TRAPPC11: variants seen among roughly 807,000 people sequenced by gnomAD.
The protein encoded by TRAPPC11 is trafficking protein particle complex subunit 11.
A neutral mutation model predicts 151.2 loss-of-function variants in TRAPPC11; 104 were observed. The ratio of observed to expected loss-of-function variants is 0.69; its 90% CI spans 0.59 to 0.81. TRAPPC11 has a LOEUF of 0.81. Among genes scored for constraint, TRAPPC11 ranks in the 30% least tolerant of loss-of-function variants. The pLI, the probability that TRAPPC11 is intolerant of heterozygous loss-of-function variation, is 0.00. For missense variants in TRAPPC11, 1,230 were observed against 1,349.6 expected (o/e 0.91, Z 1.39); for synonymous variants, 456 against 472.3 (o/e 0.97, Z 0.45).
At chr4:183,697,963 G>C in intron 25 of TRAPPC11, 128 bp downstream of exon 25, 1 of 788,548 alleles carries the variant, frequency 1.3e-6, no homozygotes, top group Non-Finnish European at 1.9e-6. Flanking sequence ...ACCTGCACTC[G>C]TGAAAGCAAA....
chr4:183,666,096 C>T, intron 2 of TRAPPC11, 161 bp from the exon 3 acceptor site: 1 of 566,638 alleles, frequency 1.8e-6, no homozygotes, highest in East Asian at 3.0e-5. Flanking sequence ...CCACCTTCAA[C>T]ACTTACTAGT....
At chr4:183,670,371 C>CT (rs1450338109) in intron 5 of TRAPPC11, among the ~76,000 whole-genome samples, 1 of 152,158 alleles carries the variant, frequency 6.6e-6, no homozygotes, top group African/African-American at 2.4e-5. Flanking sequence ...TTCGAGTAAG[C>CT]TTTTTTCTTT....
chr4:183,704,307 G>A lies in TRAPPC11; in HGVS notation c.2964-672G>A, dbSNP rs540242880. On this transcript the variant is annotated intron_variant, in intron 26 of 29. Coordinates refer to ENST00000334690, the MANE Select transcript of TRAPPC11 (RefSeq NM_021942.6). ...AAGCTGAGGCAGGTGGATCACCTGA[G>A]GTCAGGAGTTTGAGACCAGCCTGGC... 2.0e-4 allele frequency among the ~76,000 whole-genome samples: 30 copies of A among 151,898 alleles called. No homozygotes were observed. In the South Asian group the frequency reaches 3.7e-3, roughly 19 times the overall value.
intron 25 of TRAPPC11, chr4:183,700,774 T>C (rs1314296412): frequency 6.6e-6 from 1 of 152,188 alleles, no homozygotes; most frequent in African/African-American, 2.4e-5. Context: ...TGCATTATAC[T>C]TAGTGGGTGA....
chr4:183,708,257 A>T, intron 28 of TRAPPC11, 150 bp from the exon 29 acceptor site: 1 of 754,126 alleles, frequency 1.3e-6, no homozygotes. Flanking sequence ...ACACTTTGGA[A>T]TCTGTTTGGA....
At chr4:183,683,780 G>A (rs1484747492) in intron 11 of TRAPPC11, 195 bp from the exon 12 acceptor site, 2 of 585,030 alleles carry the variant, frequency 3.4e-6, no homozygotes, top group African/African-American at 3.7e-5. Context: ...GCTCAATAAT[G>A]TTCCCATCAG....
At chr4:183,681,595 A>C (rs1473260916) in intron 10 of TRAPPC11, among the ~76,000 whole-genome samples, 1 of 152,106 alleles carries the variant, frequency 6.6e-6, no homozygotes, top group African/African-American at 2.4e-5. Flanking sequence ...CCTGGCTAAC[A>C]CGATGAAACC....
intron 7 of TRAPPC11, among the ~76,000 whole-genome samples, chr4:183,677,155 A>T (rs553918363): frequency 6.6e-6 from 1 of 152,314 alleles, no homozygotes; most frequent in South Asian, 2.1e-4. Flanking sequence ...ATGTTTTTTA[A>T]CAGAATGCTG....
At position 183,691,361 on chromosome 4, in the gene TRAPPC11, G is replaced by A; in HGVS notation, c.1939G>A (p.Glu647Lys). ...AATAGAAGAAGCATCCAAAGCAAATGAAGTTTTAGAAAATCTGACTCAAGG... is the reference window on the plus strand; with the variant it reads ...AATAGAAGAAGCATCCAAAGCAAATAAAGTTTTAGAAAATCTGACTCAAGG... ...CVIEEASKANEVLENLTQGKM... is the reference protein window; with the variant it reads ...CVIEEASKANKVLENLTQGKM... Residue 647 changes from glutamate (E) to lysine (K), a missense_variant, in exon 19 of 30, where the codon GAA becomes AAA. By Grantham distance (56) the Glu-to-Lys change is moderately conservative (BLOSUM62 1). Coordinates refer to ENST00000334690, the MANE Select transcript of TRAPPC11 (RefSeq NM_021942.6). 1 of 1,557,278 alleles carries A rather than the reference G, an allele frequency of 6.4e-7. No individual in the cohort carries two copies. The highest frequency in any genetic ancestry group is 8.7e-7 in the Non-Finnish European group (1 of 1,144,654).
In TRAPPC11 at chr4:183,684,132, C is replaced by G. The variant is rs1343164754; in HGVS notation, c.1288-13C>G. ...TTGTATTGAAATGTTTCACACTCTA[C>G]TTTTTCTAATAGGAGATAATCATAA... On this transcript the variant is annotated splice_polypyrimidine_tract_variant and intron_variant, in intron 12 of 29. Transcript: ENST00000334690. 3 of 1,611,666 alleles carry G rather than the reference C, an allele frequency of 1.9e-6. No homozygotes were observed. The South Asian group carries it at 3.3e-5, about 18-fold the overall frequency.
intron 5 of TRAPPC11, 68 bp downstream of exon 5, chr4:183,668,185 C>T (rs1734976158): frequency 1.2e-6 from 1 of 864,822 alleles, no homozygotes; most frequent in African/African-American, 1.7e-5. Context: ...GTAGCTTAGA[C>T]CCATTTATTT....
chr4:183,671,038 G>C (rs1444489898), intron 5 of TRAPPC11, among the ~76,000 whole-genome samples: 1 of 152,120 alleles, frequency 6.6e-6, no homozygotes, highest in African/African-American at 2.4e-5. Flanking sequence ...CCTAATATTT[G>C]TATTTTTAGT....
chr4:183,685,345 A>G lies in TRAPPC11; in HGVS notation c.1704A>G (p.Arg568=). The G allele has an allele frequency of 6.2e-7, 1 of 1,614,138 alleles. No homozygotes were observed. Among genetic ancestry groups the G allele is most frequent in the Non-Finnish European group, 8.5e-7 (1 of 1,180,008 alleles). ...VKTAQKLWAD[R]ISLAGSNIFT... ...CTGCTCAGAAGCTGTGGGCAGACCG[A>G]ATTTCTCTGGCTGGCAGCAATATTT... The change falls in exon 17 of 30, where the codon CGA becomes CGG. Residue 568 remains arginine, a synonymous_variant. Coordinates refer to ENST00000334690, the MANE Select transcript of TRAPPC11 (RefSeq NM_021942.6).
intron 25 of TRAPPC11, among the ~76,000 whole-genome samples, chr4:183,699,487 C>T (rs1736698176): frequency 6.6e-6 from 1 of 152,184 alleles, no homozygotes; most frequent in South Asian, 2.1e-4. Flanking sequence ...CTTCATATCG[C>T]TAGCATCATA....
intron 1 of TRAPPC11, among the ~76,000 whole-genome samples, chr4:183,661,398 TCC>T (rs1465765574): frequency 5.1e-5 from 6 of 117,692 alleles, no homozygotes; most frequent in East Asian, 5.4e-4. Context: ...AGACGGAGTC[TCC>T]TCGCTCTGTC....
rs1039912110 is a variant in TRAPPC11 at position 183,677,450 on chromosome 4, T to C, written c.735-8T>C. 6.6e-7 allele frequency: 1 copy of C among 1,525,216 alleles called. No homozygotes were observed. Among genetic ancestry groups the C allele is most frequent in the South Asian group, 1.2e-5 (1 of 86,946 alleles). The allele number at this position is 1,525,216 out of a possible 1,614,324, so 94.5% of individuals were successfully genotyped here. Reference sequence around the variant, plus strand: ...TAATTTATATCATTAACCACCCTCCTCATTTAGGAATTATAGGACCGCCTA... The same window carrying C: ...TAATTTATATCATTAACCACCCTCCCCATTTAGGAATTATAGGACCGCCTA... On this transcript the variant is annotated splice_polypyrimidine_tract_variant and splice_region_variant and intron_variant, in intron 7 of 29. Transcript: ENST00000334690.
intron 1 of TRAPPC11, among the ~76,000 whole-genome samples, chr4:183,662,525 A>G (rs1466571684): frequency 6.6e-6 from 1 of 152,150 alleles, no homozygotes; most frequent in Non-Finnish European, 1.5e-5. Context: ...GACGCAGTGG[A>G]AACATCCTCC....
intron 8 of TRAPPC11, among the ~76,000 whole-genome samples, chr4:183,678,606 T>C (rs1735528954): frequency 6.6e-6 from 1 of 152,230 alleles, no homozygotes; most frequent in Non-Finnish European, 1.5e-5. Flanking sequence ...AGTGTGATGT[T>C]GTTATTTGTA....
chr4:183,700,987 A>G (rs1736773672), intron 25 of TRAPPC11: 1 of 152,232 alleles, frequency 6.6e-6, no homozygotes, highest in South Asian at 2.1e-4. Flanking sequence ...AGCTAGGACC[A>G]CAGGTGCACG....
Sources: allele counts gnomAD v4.1 joint callset (sites outside exome capture counted in the v4.1 genomes callset), GRCh38; gene constraint gnomAD v4.1.1; transcripts MANE v1.5; gene names NCBI Gene and HGNC (gene_info 2026-07-23, HGNC 2026-07-21).